MDFIC2: variants seen among roughly 807,000 people sequenced by gnomAD.
The protein encoded by MDFIC2 is MyoD family inhibitor domain containing 2.
intron 3 of MDFIC2, among the ~76,000 whole-genome samples, chr3:70,197,833 C>T (rs1701196735): frequency 6.6e-6 from 1 of 152,160 alleles, no homozygotes. Flanking sequence ...TGAAATACGT[C>T]ATCATATGCC....
At chr3:70,267,695 C>A (rs546106006) in intron 2 of MDFIC2, among the ~76,000 whole-genome samples, 1 of 151,026 alleles carries the variant, frequency 6.6e-6, no homozygotes, top group Non-Finnish European at 1.5e-5. Flanking sequence ...GGATTACAGG[C>A]GAGAGCCACC....
chr3:70,245,682 T>C (rs1701700222), intron 2 of MDFIC2, among the ~76,000 whole-genome samples: 1 of 123,290 alleles, frequency 8.1e-6, no homozygotes, highest in South Asian at 2.6e-4. Context: ...TATATATATA[T>C]ATATATATAT....
intron 2 of MDFIC2, among the ~76,000 whole-genome samples, chr3:70,288,673 A>T (rs975089690): frequency 6.6e-6 from 1 of 151,816 alleles, no homozygotes. Context: ...AAAGTCTCCC[A>T]TTATTAATGT....
Position 70,206,625 on chromosome 3 carries a change from TG to T in MDFIC2, c.253del (p.Gln85LysfsTer39). 2.5e-6 allele frequency: 1 copy of T among 397,912 alleles called. No homozygotes were observed. Among genetic ancestry groups the T allele is most frequent in the Non-Finnish European group, 4.4e-6 (1 of 225,556 alleles). 24.6% of individuals were successfully genotyped at this position (397,912 alleles called of 1,614,324 possible). A position where few individuals can be genotyped will look rare whatever the true frequency, so the allele number is the denominator to read the frequency against. On this transcript the variant is annotated frameshift_variant, in exon 3 of 4. Coordinates refer to ENST00000567252, the MANE Select transcript of MDFIC2 (RefSeq NM_001364677.1). LOFTEE classifies it high-confidence loss of function. ...AGTTTGGAGGTAAGAAAATGTTGTT[TG>T]GCATTCTTCAAGGGAGGACAGTGAT... is the stretch of plus-strand genomic sequence containing the variant. ...STSLSSLEEC[Q>X]TTFSYLQTDT...
At chr3:70,267,579 T>TG (rs1491522896) in intron 2 of MDFIC2, among the ~76,000 whole-genome samples, 1 of 27,436 alleles carries the variant, frequency 3.6e-5, no homozygotes, top group Non-Finnish European at 6.0e-5. Flanking sequence ...ATTTTTTGTA[T>TG]TTTTTTTTTT....
intron 2 of MDFIC2, among the ~76,000 whole-genome samples, chr3:70,237,568 C>A (rs1391440369): frequency 6.6e-6 from 1 of 152,322 alleles, no homozygotes; most frequent in East Asian, 1.9e-4. Context: ...TTCAATCATT[C>A]AAGGACAGGC....
rs1448989006 is a variant in MDFIC2 at position 70,247,869 on chromosome 3, A to G, written c.89-41079T>C. On this transcript the variant is annotated intron_variant, in intron 2 of 3. Coordinates refer to ENST00000567252, the MANE Select transcript of MDFIC2 (RefSeq NM_001364677.1). Reference sequence around the variant, plus strand: ...AAAATATTCATGAAGCACTAAAATAATATCATAAGTTATTTTTTATAAGTT... The same window carrying G: ...AAAATATTCATGAAGCACTAAAATAGTATCATAAGTTATTTTTTATAAGTT... Among the ~76,000 whole-genome samples the G allele has an allele frequency of 3.3e-5, 5 of 152,092 alleles. No homozygotes were observed. In the East Asian group the frequency reaches 7.7e-4, roughly 23 times the overall value.
chr3:70,226,866 A>G (rs532543361), intron 2 of MDFIC2, among the ~76,000 whole-genome samples: 1 of 152,236 alleles, frequency 6.6e-6, no homozygotes, highest in Non-Finnish European at 1.5e-5. Context: ...GCATGGTAAG[A>G]AGTGGGATGG....
chr3:70,218,211 GT>G (rs1469377666), intron 2 of MDFIC2, among the ~76,000 whole-genome samples: 9 of 152,248 alleles, frequency 5.9e-5, no homozygotes, highest in Non-Finnish European at 1.0e-4. Context: ...ATGCAATGGG[GT>G]TAAAACACTT....
At chr3:70,292,081 G>T (rs1702244612) in intron 2 of MDFIC2, 1 of 152,100 alleles carries the variant, frequency 6.6e-6, no homozygotes, top group Admixed American at 6.5e-5. Context: ...ATTCCTTTAT[G>T]AATACTTTAT....
At chr3:70,276,307 ATAACTT>A (rs1702025166) in intron 2 of MDFIC2, among the ~76,000 whole-genome samples, 1 of 152,180 alleles carries the variant, frequency 6.6e-6, no homozygotes, top group Non-Finnish European at 1.5e-5. Flanking sequence ...GTCATTTTAA[ATAACTT>A]TATATTATTC....
intron 2 of MDFIC2, among the ~76,000 whole-genome samples, chr3:70,247,637 A>T (rs1270981393): frequency 6.6e-6 from 1 of 151,830 alleles, no homozygotes. Flanking sequence ...AGAATTTATG[A>T]CTCTAATAGC....
chr3:70,251,969 G>T lies in MDFIC2; in HGVS notation c.89-45179C>A, dbSNP rs141660526. 9.7e-4 allele frequency among the ~76,000 whole-genome samples: 147 copies of T among 152,246 alleles called. 2 individuals carry two copies. In the East Asian group the frequency reaches 0.021, roughly 21 times the overall value. On this transcript the variant is annotated intron_variant, in intron 2 of 3. Coordinates refer to ENST00000567252, the MANE Select transcript of MDFIC2 (RefSeq NM_001364677.1). Reference sequence around the variant, plus strand: ...GTGTGCCAATTTTACTTCCTTAACTGTCTTCAAAACACGTGTTAAGGAACT... The same window carrying T: ...GTGTGCCAATTTTACTTCCTTAACTTTCTTCAAAACACGTGTTAAGGAACT...
intron 2 of MDFIC2, among the ~76,000 whole-genome samples, chr3:70,209,372 TAC>T (rs148768991): frequency 1.3e-5 from 2 of 151,828 alleles, no homozygotes; most frequent in African/African-American, 2.4e-5. Flanking sequence ...AGCACTGCTT[TAC>T]ACACACACAC....
chr3:70,286,135 T>C (rs1160987086), intron 2 of MDFIC2, among the ~76,000 whole-genome samples: 2 of 152,250 alleles, frequency 1.3e-5, no homozygotes, highest in Non-Finnish European at 2.9e-5. Flanking sequence ...TCCTTGCCCA[T>C]GCCTATGTCC....
At chr3:70,212,818 C>T (rs570835673) in intron 2 of MDFIC2, among the ~76,000 whole-genome samples, 2 of 152,040 alleles carry the variant, frequency 1.3e-5, no homozygotes, top group East Asian at 3.9e-4. Context: ...GACAGGGTCT[C>T]ACTCTGTCAC....
chr3:70,268,934 C>A (rs1701949559), intron 2 of MDFIC2, among the ~76,000 whole-genome samples: 2 of 151,986 alleles, frequency 1.3e-5, no homozygotes, highest in South Asian at 4.1e-4. Context: ...ACAATGGAAG[C>A]AATTAAAATT....
chr3:70,254,372 T>C (rs1413387540), intron 2 of MDFIC2, among the ~76,000 whole-genome samples: 2 of 152,230 alleles, frequency 1.3e-5, no homozygotes, highest in Non-Finnish European at 2.9e-5. Flanking sequence ...TCAATTATTA[T>C]TTTGTTTTGT....
intron 2 of MDFIC2, among the ~76,000 whole-genome samples, chr3:70,257,605 GTA>G (rs995921217): frequency 3.3e-5 from 5 of 152,162 alleles, no homozygotes; most frequent in African/African-American, 1.2e-4. Context: ...ATTTAAGGAA[GTA>G]TATGTGAGGC....
Sources: allele counts gnomAD v4.1 joint callset (sites outside exome capture counted in the v4.1 genomes callset), GRCh38; gene constraint gnomAD v4.1.1; transcripts MANE v1.5; gene names NCBI Gene and HGNC (gene_info 2026-07-23, HGNC 2026-07-21).